DCAF8: variants seen among roughly 807,000 people sequenced by gnomAD.
DCAF8 encodes the protein DDB1- and CUL4-associated factor 8.
Under a neutral mutation model 68.0 loss-of-function variants are expected in DCAF8, and 20 were observed. The observed-to-expected ratio is 0.29, with a 90% CI of 0.21 to 0.43. The LOEUF (loss-of-function observed/expected upper bound fraction) is 0.43. DCAF8 is among the 20% of genes least tolerant of loss of function. The pLI is 1.00. For synonymous variants in DCAF8, 230 were observed against 276.9 expected (o/e 0.83, Z 1.68); for missense variants, 460 against 771.0 (o/e 0.60, Z 4.78).
intron 2 of DCAF8, among the ~76,000 whole-genome samples, chr1:160,248,076 C>T (rs1248282722): frequency 1.3e-5 from 2 of 151,608 alleles, no homozygotes; most frequent in South Asian, 2.1e-4. Context: ...GAGGCCAAGG[C>T]GGGTGGATCA....
At chr1:160,237,553 G>T (rs926263895) in intron 5 of DCAF8, among the ~76,000 whole-genome samples, 1 of 152,088 alleles carries the variant, frequency 6.6e-6, no homozygotes, top group African/African-American at 2.4e-5. Context: ...TCCAGTCAGG[G>T]TCTCACTTTA....
intron 9 of DCAF8, 79 bp downstream of exon 9, chr1:160,224,983 G>T (rs1312966134): frequency 2.2e-6 from 3 of 1,376,318 alleles, no homozygotes; most frequent in Non-Finnish European, 2.1e-6. Flanking sequence ...GAGCACTGGA[G>T]GGCACATGCC....
chr1:160,217,519 C>A lies in DCAF8; in HGVS notation c.*73G>T, dbSNP rs959547699. 1.7e-4 allele frequency: 186 copies of A among 1,116,952 alleles called. No homozygotes were observed. Among genetic ancestry groups the A allele is most frequent in the Admixed American group, 7.9e-5 (4 of 50,318 alleles). The allele number at this position is 1,116,952 out of a possible 1,614,324, so 69.2% of individuals were successfully genotyped here. A position where few individuals can be genotyped will look rare whatever the true frequency, so the allele number is the denominator to read the frequency against. ...AAGTGCGTTTCTGCTGAATGTAGGG[C>A]CTGGGACAGGAAAGGGTTGCCCAGG... On this transcript the variant is annotated 3_prime_UTR_variant, in exon 14 of 14. Transcript: ENST00000368074.
chr1:160,241,368 T>A (rs1656109439), intron 3 of DCAF8, among the ~76,000 whole-genome samples: 1 of 152,208 alleles, frequency 6.6e-6, no homozygotes, highest in South Asian at 2.1e-4. Flanking sequence ...ACATTTTTAG[T>A]CTCTCTATTG....
intron 2 of DCAF8, among the ~76,000 whole-genome samples, chr1:160,260,054 A>T (rs1003724949): frequency 1.3e-5 from 2 of 151,866 alleles, no homozygotes; most frequent in Non-Finnish European, 2.9e-5. Context: ...AAATTAACGT[A>T]TAACTTATTC....
intron 2 of DCAF8, among the ~76,000 whole-genome samples, chr1:160,253,990 T>C (rs1168938621): frequency 1.3e-5 from 2 of 152,162 alleles, no homozygotes; most frequent in Non-Finnish European, 1.5e-5. Flanking sequence ...CAGTAAAGAA[T>C]CATAAAACAC....
At chr1:160,230,722 ACGTG>A (rs1655648994) in intron 7 of DCAF8, among the ~76,000 whole-genome samples, 1 of 152,112 alleles carries the variant, frequency 6.6e-6, no homozygotes, top group African/African-American at 2.4e-5. Flanking sequence ...CTTAGCTGCC[ACGTG>A]AGGACCTTGG....
At chr1:160,237,413 A>C (rs1655934634) in intron 5 of DCAF8, among the ~76,000 whole-genome samples, 184 bp from the exon 6 acceptor site, 1 of 152,248 alleles carries the variant, frequency 6.6e-6, no homozygotes, top group African/African-American at 2.4e-5. Flanking sequence ...TTCTATGCGA[A>C]TTATTTATAG....
chr1:160,222,533 G>T, intron 11 of DCAF8, 118 bp downstream of exon 11: 1 of 1,388,050 alleles, frequency 7.2e-7, no homozygotes, highest in Non-Finnish European at 9.9e-7. Flanking sequence ...TTTATGGCTG[G>T]CTGGACCTCT....
At chr1:160,242,532 T>C (rs757523019) in intron 3 of DCAF8, among the ~76,000 whole-genome samples, 19 of 152,084 alleles carry the variant, frequency 1.2e-4, no homozygotes, top group Non-Finnish European at 2.5e-4. Context: ...GTAACAAATA[T>C]AGACAATTTT....
chr1:160,259,954 A>G (rs1267460766), intron 2 of DCAF8, among the ~76,000 whole-genome samples: 1 of 152,220 alleles, frequency 6.6e-6, no homozygotes, highest in African/African-American at 2.4e-5. Flanking sequence ...GTGGGCACTT[A>G]CAAAGGACAC....
intron 6 of DCAF8, among the ~76,000 whole-genome samples, chr1:160,234,807 TA>T (rs1349390121): frequency 1.3e-5 from 2 of 149,244 alleles, no homozygotes; most frequent in African/African-American, 5.2e-5. Flanking sequence ...ACTACAAAGC[TA>T]GTACTAGAAG....
chr1:160,219,149 G>A, intron 11 of DCAF8, 181 bp from the exon 12 acceptor site: 1 of 730,668 alleles, frequency 1.4e-6, no homozygotes, highest in East Asian at 2.7e-5. Context: ...ACCAGACACA[G>A]ACTGGGTATA....
At chr1:160,250,701 T>C (rs1367133658) in intron 2 of DCAF8, among the ~76,000 whole-genome samples, 1 of 152,180 alleles carries the variant, frequency 6.6e-6, no homozygotes, top group African/African-American at 2.4e-5. Context: ...GTGTGATTTA[T>C]CAGCGACCAT....
At chr1:160,217,769 G>A (rs1361541374) in intron 13 of DCAF8, 61 bp from the exon 14 acceptor site, 12 of 1,351,734 alleles carry the variant, frequency 8.9e-6, no homozygotes, top group Non-Finnish European at 1.3e-5. Context: ...AGCCTGTTAG[G>A]TCTTAGCCAG....
intron 3 of DCAF8, among the ~76,000 whole-genome samples, chr1:160,242,510 T>C (rs1366852500): frequency 2.6e-5 from 4 of 152,234 alleles, no homozygotes; most frequent in African/African-American, 9.6e-5. Context: ...GTGTTTATTG[T>C]TAAAATTATG....
rs370602448 is a variant in DCAF8, at chr1:160,236,353, CAT to C, written c.959+780_959+781del. ...ATACATATGTGTGTATATGTGTGTA[CAT>C]ATGTGTGTATATAAACATATATGTG... On this transcript the variant is annotated intron_variant, in intron 6 of 13. Transcript: ENST00000368074. 1.7e-3 allele frequency among the ~76,000 whole-genome samples: 253 copies of C among 150,808 alleles called. 3 individuals carry two copies. The South Asian group carries it at 0.027, about 16-fold the overall frequency.
chr1:160,226,415 C>G (rs1003738852), intron 7 of DCAF8, among the ~76,000 whole-genome samples: 6 of 152,136 alleles, frequency 3.9e-5, no homozygotes, highest in African/African-American at 1.4e-4. Context: ...ACCTTCCTTC[C>G]TCTCTCTAAT....
chr1:160,240,078 A>AGGCTGCTCTTCT lies in DCAF8; in HGVS notation c.330_341dup (p.Glu111_Pro114dup), dbSNP rs1158351287. 1 of 1,614,144 alleles carries AGGCTGCTCTTCT rather than the reference A, an allele frequency of 6.2e-7. No individual in the cohort carries two copies. The highest frequency in any genetic ancestry group is 8.5e-7 in the Non-Finnish European group (1 of 1,180,008). ...CCCGCTTGCGCTGTACACGGCGCCG[A>AGGCTGCTCTTCT]GGCTGCTCTTCTTCCTCCTCTTCTT... On this transcript the variant is annotated inframe_insertion, in exon 4 of 14. Transcript: ENST00000368074.
Sources: allele counts gnomAD v4.1 joint callset (sites outside exome capture counted in the v4.1 genomes callset), GRCh38; gene constraint gnomAD v4.1.1; transcripts MANE v1.5; gene names NCBI Gene and HGNC (gene_info 2026-07-23, HGNC 2026-07-21).